Variants in NFATC2 observed in about 807,000 individuals in gnomAD.
NFATC2 encodes nuclear factor of activated T-cells, cytoplasmic 2.
NFATC2 carries 22 observed loss-of-function variants against 87.3 expected under a neutral mutation model. The observed-to-expected ratio is 0.25, with a 90% confidence interval of 0.18 to 0.36. The LOEUF (loss-of-function observed/expected upper bound fraction) is 0.36, where lower values mean the gene tolerates loss of function less well. Among genes scored for constraint, NFATC2 ranks in the 10% least tolerant of loss-of-function variants. The pLI, the probability that NFATC2 is intolerant of heterozygous loss-of-function variation, is 1.00. For missense variants in NFATC2, 1,149 were observed against 1,259.1 expected (o/e 0.91, Z 1.32); for synonymous variants, 565 against 542.2 (o/e 1.04, Z -0.58).
intron 1 of NFATC2, among the ~76,000 whole-genome samples, chr20:51,540,227 G>T (rs987259271): frequency 6.6e-6 from 1 of 152,156 alleles, no homozygotes; most frequent in African/African-American, 2.4e-5. Context: ...TGGCCAGGCT[G>T]GTCTTGACCT....
chr20:51,398,758 GAGA>G lies in NFATC2; in HGVS notation c.2723-31_2723-29del, dbSNP rs1987622357. 7 of 1,476,424 alleles carry G rather than the reference GAGA, an allele frequency of 4.7e-6. No individual in the cohort carries two copies. In the African/African-American group the frequency reaches 4.9e-5, roughly 10 times the overall value. 91.5% of individuals were successfully genotyped at this position (1,476,424 alleles called of 1,614,324 possible). A position where few individuals can be genotyped will look rare whatever the true frequency, so the allele number is the denominator to read the frequency against. On this transcript the variant is annotated intron_variant, in intron 9 of 10. Transcript: ENST00000371564. The stretch of plus-strand genomic sequence containing the variant: ...GAAAAAGATTTGCAAAATCATTTTT[GAGA>G]AGAAAAAAAAAAATCACCTTTGATC...
chr20:51,488,301 G>C (rs6096445), intron 3 of NFATC2, among the ~76,000 whole-genome samples: 34,221 of 152,164 alleles, frequency 0.22, 4,173 homozygotes, highest in African/African-American at 0.31. Flanking sequence ...CATAATCCCA[G>C]AATTTAAGAC....
At chr20:51,504,984 A>T (rs1035965098) in intron 3 of NFATC2, among the ~76,000 whole-genome samples, 2 of 136,740 alleles carry the variant, frequency 1.5e-5, no homozygotes, top group African/African-American at 2.7e-5. Context: ...GGTCATGAAG[A>T]GTGCTATCTA....
At chr20:51,534,272 CA>C (rs1184940612) in intron 1 of NFATC2, among the ~76,000 whole-genome samples, 1 of 150,222 alleles carries the variant, frequency 6.7e-6, no homozygotes, top group Non-Finnish European at 1.5e-5. Flanking sequence ...GGGCAGTGCA[CA>C]GGGGGAAGGG....
At chr20:51,510,594 C>G (rs2076257602) in intron 3 of NFATC2, among the ~76,000 whole-genome samples, 1 of 152,204 alleles carries the variant, frequency 6.6e-6, no homozygotes, top group Admixed American at 6.5e-5. Flanking sequence ...ACTTGTTCTA[C>G]TTCAATAAGA....
rs1443396254 is a variant in NFATC2 at position 51,390,618 on chromosome 20, T to C, written c.*878A>G. 6.5e-6 allele frequency: 1 copy of C among 152,728 alleles called. No homozygotes were observed. Among genetic ancestry groups the C allele is most frequent in the African/African-American group, 2.4e-5 (1 of 41,468 alleles). The allele number at this position is 152,728 out of a possible 1,614,324, so 9.5% of individuals were successfully genotyped here. On this transcript the variant is annotated 3_prime_UTR_variant, in exon 11 of 11. Transcript: ENST00000371564. ...TCTATGGAAATTGTGTTAGCAGGAC[T>C]GCGTGCTGCAGGGGTTAAAGAACAG...
chr20:51,396,042 A>G (rs1452743088), intron 10 of NFATC2, among the ~76,000 whole-genome samples: 63 of 1,268 alleles, frequency 0.05, no homozygotes, highest in South Asian at 0.19. Flanking sequence ...TAGTATGTAT[A>G]TATATATATA....
chr20:51,537,922 T>C (rs900803601), intron 1 of NFATC2, among the ~76,000 whole-genome samples: 10 of 152,250 alleles, frequency 6.6e-5, no homozygotes, highest in Admixed American at 2.0e-4. Flanking sequence ...CCCAGAAAGA[T>C]AGAGTTTACA....
intron 9 of NFATC2, among the ~76,000 whole-genome samples, chr20:51,411,516 C>CTTTTT (rs67935951): frequency 3.0e-4 from 26 of 87,246 alleles, no homozygotes; most frequent in African/African-American, 5.8e-4. Context: ...ATGCAATTGT[C>CTTTTT]TTTTTTTTTT....
chr20:51,466,915 T>C (rs756932901), intron 5 of NFATC2, among the ~76,000 whole-genome samples: 53 of 151,318 alleles, frequency 3.5e-4, no homozygotes, highest in Non-Finnish European at 5.5e-4. Flanking sequence ...CTACTAAAAA[T>C]ACAAGAATTA....
chr20:51,525,710 G>A (rs1046139472), intron 1 of NFATC2, among the ~76,000 whole-genome samples: 3 of 151,888 alleles, frequency 2.0e-5, no homozygotes, highest in Non-Finnish European at 4.4e-5. Context: ...CCATTCCATC[G>A]CATCCACCCT....
chr20:51,493,207 T>C (rs2075927173), intron 3 of NFATC2, among the ~76,000 whole-genome samples: 1 of 152,234 alleles, frequency 6.6e-6, no homozygotes, highest in Non-Finnish European at 1.5e-5. Flanking sequence ...TCACTCTGAC[T>C]CTTTGACACA....
intron 6 of NFATC2, among the ~76,000 whole-genome samples, chr20:51,443,371 G>C (rs1482236558): frequency 6.6e-6 from 1 of 152,134 alleles, no homozygotes; most frequent in African/African-American, 2.4e-5. Flanking sequence ...ATTAATACTG[G>C]CTGAATAAAC....
chr20:51,400,558 G>A (rs568853206), intron 9 of NFATC2, among the ~76,000 whole-genome samples: 26 of 152,278 alleles, frequency 1.7e-4, no homozygotes, highest in South Asian at 8.3e-4. Flanking sequence ...AGCATCACAT[G>A]ATGGCTCCGT....
At chr20:51,551,994 T>C (rs1049756621) in intron 1 of NFATC2, among the ~76,000 whole-genome samples, 1 of 150,872 alleles carries the variant, frequency 6.6e-6, no homozygotes, top group Admixed American at 6.6e-5. Context: ...GCCACTGCAC[T>C]CCAGCCTGGG....
chr20:51,423,058 C>T (rs1307407257), intron 9 of NFATC2, among the ~76,000 whole-genome samples: 1 of 151,694 alleles, frequency 6.6e-6, no homozygotes, highest in East Asian at 1.9e-4. Context: ...GAGGCTGAGG[C>T]GAGAGGATCA....
intron 1 of NFATC2, among the ~76,000 whole-genome samples, chr20:51,548,228 G>T (rs1279898586): frequency 2.0e-5 from 3 of 151,994 alleles, no homozygotes; most frequent in African/African-American, 7.3e-5. Context: ...CTCAGATATT[G>T]CCTGGCCACT....
At chr20:51,392,573 G>A (rs1193571483) in intron 10 of NFATC2, among the ~76,000 whole-genome samples, 1 of 152,204 alleles carries the variant, frequency 6.6e-6, no homozygotes, top group Non-Finnish European at 1.5e-5. Context: ...TACACCTTCA[G>A]TTTTACAGGT....
In NFATC2 at chr20:51,524,090, C is replaced by G. The variant is rs140836558; in HGVS notation, c.151G>C (p.Val51Leu). Reference protein sequence around the residue: ...PNEEEPNAHKVASPPSGPAYP... With the variant: ...PNEEEPNAHKLASPPSGPAYP... ...GCGGGTCCGGAGGGTGGGCTGGCGA[C>G]CTTATGTGCATTCGGCTCTTCTGGA... Residue 51 changes from valine (V) to leucine (L), a missense_variant, in exon 2 of 11, where the codon GTC becomes CTC. Transcript: ENST00000371564. The surrounding 1 kb of genome is among the most constrained non-coding windows in gnomAD (Gnocchi z 4.0). 14,201 of 1,466,616 alleles carry G rather than the reference C, an allele frequency of 9.7e-3. 92 individuals are homozygous for G. The highest frequency in any genetic ancestry group is 0.012 in the Non-Finnish European group (13,109 of 1,112,098). The allele number at this position is 1,466,616 out of a possible 1,614,324, so 90.9% of individuals were successfully genotyped here.
Sources: allele counts gnomAD v4.1 joint callset (sites outside exome capture counted in the v4.1 genomes callset), GRCh38; gene constraint gnomAD v4.1.1; non-coding constraint Gnocchi (gnomAD v3.1); transcripts MANE v1.5; gene names NCBI Gene and HGNC (gene_info 2026-07-23, HGNC 2026-07-21).